Variants in INTS4 observed in about 807,000 individuals in gnomAD.
The protein encoded by INTS4 is integrator complex subunit 4.
In INTS4, 70 loss-of-function variants were observed where a neutral mutation model predicts 119.5. The ratio of observed to expected loss-of-function variants is 0.59; its 90% CI spans 0.48 to 0.71. INTS4 has a LOEUF of 0.71. Among genes scored for constraint, INTS4 ranks in the 30% least tolerant of loss-of-function variants. The pLI, the probability that INTS4 is intolerant of heterozygous loss-of-function variation, is 0.00. For synonymous variants in INTS4, 316 were observed against 419.6 expected (o/e 0.75, Z 3.02); for missense variants, 867 against 1,173.2 (o/e 0.74, Z 3.81).
chr11:77,882,394 C>G (rs1951828662), intron 22 of INTS4, among the ~76,000 whole-genome samples: 1 of 63,522 alleles, frequency 1.6e-5, no homozygotes, highest in Admixed American at 1.3e-4. Context: ...TGACCAGGGA[C>G]AAGTCAGACC....
chr11:77,971,514 C>T (rs184217874), intron 4 of INTS4, among the ~76,000 whole-genome samples: 1 of 152,134 alleles, frequency 6.6e-6, no homozygotes, highest in East Asian at 1.9e-4. Flanking sequence ...TGGGCACACG[C>T]CTGTAATCCC....
intron 7 of INTS4, among the ~76,000 whole-genome samples, chr11:77,956,782 T>A (rs1954339082): frequency 6.7e-6 from 1 of 149,346 alleles, no homozygotes; most frequent in Non-Finnish European, 1.5e-5. Flanking sequence ...CATAAGTAAG[T>A]AAGGCTGCAG....
At position 77,935,895 on chromosome 11, in the gene INTS4, C is replaced by CA. The variant is rs1261830084; in HGVS notation, c.1165+2755dup. ...TGAGCAACAGAGCAAGATCCTGTCTCAAAAAAAAAAAAAAGAAAAGAAGAG... is the reference window on the plus strand; with the variant it reads ...TGAGCAACAGAGCAAGATCCTGTCTCAAAAAAAAAAAAAAAGAAAAGAAGAG... On this transcript the variant is annotated intron_variant, in intron 10 of 22. Transcript: ENST00000534064. Among the ~76,000 whole-genome samples the CA allele has an allele frequency of 4.3e-3, 65 of 15,136 alleles. 1 individual carries two copies. The highest frequency in any genetic ancestry group is 0.015 in the East Asian group (9 of 618). The allele number at this position is 15,136 out of a possible 152,430, so 9.9% of individuals were successfully genotyped here.
intron 16 of INTS4, 149 bp from the exon 17 acceptor site, chr11:77,903,769 T>A (rs1952853384): frequency 1.6e-6 from 1 of 642,934 alleles, no homozygotes; most frequent in East Asian, 2.7e-5. Context: ...AAGCTGTATC[T>A]ATTATGGAGA....
rs747243170 is a variant in INTS4, at chr11:77,938,602, C to T, written c.1165+49G>A. 7 of 1,580,328 alleles carry T rather than the reference C, an allele frequency of 4.4e-6. No homozygotes were observed. In the Middle Eastern group the frequency reaches 7.0e-4, roughly 159 times the overall value. On this transcript the variant is annotated intron_variant, in intron 10 of 22. Transcript: ENST00000534064. ...GTATCACCCAGTATAATGCCTGACA[C>T]ACAGCAGTCACTTAAAGAGTGCTAT...
chr11:77,967,604 G>A (rs1855556446), intron 4 of INTS4, among the ~76,000 whole-genome samples: 1 of 152,118 alleles, frequency 6.6e-6, no homozygotes, highest in Non-Finnish European at 1.5e-5. Context: ...CCTAAGCCAA[G>A]TATCAAACGC....
intron 4 of INTS4, among the ~76,000 whole-genome samples, chr11:77,974,533 A>AC (rs1197756922): frequency 6.8e-6 from 1 of 147,188 alleles, no homozygotes; most frequent in Admixed American, 6.8e-5. Context: ...GAGCCACTGC[A>AC]CCCAGCCTAT....
intron 16 of INTS4, among the ~76,000 whole-genome samples, chr11:77,906,502 TGG>T (rs1952956660): frequency 6.6e-6 from 1 of 152,228 alleles, no homozygotes; most frequent in Non-Finnish European, 1.5e-5. Flanking sequence ...CTTGAATTCC[TGG>T]GGTTTCACAG....
chr11:77,964,900 C>T (rs566575499), intron 4 of INTS4, among the ~76,000 whole-genome samples: 225 of 152,096 alleles, frequency 1.5e-3, no homozygotes, highest in Non-Finnish European at 2.5e-3. Flanking sequence ...CACAAATTAT[C>T]TATTTTTGAT....
At position 77,924,869 on chromosome 11, in the gene INTS4, C is replaced by T. The variant is rs754733463; in HGVS notation, c.1395G>A (p.Glu465=). The T allele has an allele frequency of 1.6e-5, 26 of 1,599,132 alleles. No individual in the cohort carries two copies. Among genetic ancestry groups the T allele is most frequent in the Non-Finnish European group, 2.1e-5 (24 of 1,168,634 alleles). ...VLEDSSRDIR[E]ALHELLCCTN... ...TACAGCATAAGAGTTCATGAAGAGC[C>T]TCTCGAATATCTCTGGATGAATCCT... Residue 465 remains glutamate, a synonymous_variant, in exon 12 of 23, where the codon GAG becomes GAA. Transcript: ENST00000534064.
intron 18 of INTS4, among the ~76,000 whole-genome samples, chr11:77,900,261 G>A (rs1248943380): frequency 7.9e-5 from 12 of 151,854 alleles, no homozygotes; most frequent in Non-Finnish European, 1.3e-4. Flanking sequence ...CACCATGCCC[G>A]GCTAATTTTA....
At chr11:77,888,106 A>G (rs1204071379) in intron 21 of INTS4, among the ~76,000 whole-genome samples, 2 of 152,218 alleles carry the variant, frequency 1.3e-5, no homozygotes, top group African/African-American at 2.4e-5. Flanking sequence ...AAAAGAGCCC[A>G]CATCGCCAAG....
chr11:77,982,136 CTTTT>C (rs777434800), intron 2 of INTS4, among the ~76,000 whole-genome samples: 4 of 131,304 alleles, frequency 3.0e-5, no homozygotes, highest in Non-Finnish European at 3.3e-5. Context: ...TTCTACCTGT[CTTTT>C]TTTTTTTTTT....
At chr11:77,901,722 T>C (rs1952783667) in intron 17 of INTS4, among the ~76,000 whole-genome samples, 171 bp from the exon 18 acceptor site, 2 of 152,064 alleles carry the variant, frequency 1.3e-5, no homozygotes, top group Non-Finnish European at 2.9e-5. Flanking sequence ...AAAAAGAGAA[T>C]AAATTATTTT....
chr11:77,960,859 G>A (rs1392381131), intron 5 of INTS4, 94 bp downstream of exon 5: 3 of 1,138,594 alleles, frequency 2.6e-6, no homozygotes, highest in Admixed American at 4.7e-5. Flanking sequence ...AGTATATGCT[G>A]AAGAATTTAC....
chr11:77,920,206 C>CACACATATATAT (rs1489496819), intron 14 of INTS4, among the ~76,000 whole-genome samples: 1,189 of 88,940 alleles, frequency 0.013, 22 homozygotes, highest in African/African-American at 0.043. Context: ...CATATATATA[C>CACACATATATAT]ACACATATAT....
chr11:77,941,725 CA>C (rs1242523179), intron 8 of INTS4, among the ~76,000 whole-genome samples: 2 of 152,136 alleles, frequency 1.3e-5, no homozygotes, highest in Non-Finnish European at 2.9e-5. Context: ...AGGCTAGTCT[CA>C]AACTCCTGAC....
chr11:77,886,464 AT>A (rs1303788822), intron 21 of INTS4, among the ~76,000 whole-genome samples: 1 of 152,212 alleles, frequency 6.6e-6, no homozygotes, highest in Admixed American at 6.5e-5. Context: ...ATGCCATGTG[AT>A]TTCTGCCCAG....
intron 2 of INTS4, among the ~76,000 whole-genome samples, chr11:77,990,182 A>C (rs958420788): frequency 2.7e-5 from 4 of 148,170 alleles, no homozygotes; most frequent in Admixed American, 6.9e-5. Flanking sequence ...TTGTGCCACC[A>C]CTATACTCCA....
Sources: allele counts gnomAD v4.1 joint callset (sites outside exome capture counted in the v4.1 genomes callset), GRCh38; gene constraint gnomAD v4.1.1; transcripts MANE v1.5; gene names NCBI Gene and HGNC (gene_info 2026-07-23, HGNC 2026-07-21).